The following EYS variants were observed in gnomAD, a reference collection of about 807,000 sequenced individuals.
EYS encodes the protein protein eyes shut homolog.
In EYS, 250 loss-of-function variants were observed where a neutral mutation model predicts 282.1. The observed-to-expected ratio is 0.89, with a 90% CI of 0.80 to 0.98. The LOEUF is 0.98. EYS is among the 50% of genes least tolerant of loss of function. EYS has a pLI of 0.00. For synonymous variants in EYS, 1,355 were observed against 1,282.9 expected, an observed-to-expected ratio of 1.06 and a Z score of -1.20; for missense variants, 4,016 against 3,709.0, an observed-to-expected ratio of 1.08 and a Z score of -2.15.
chr6:65,395,942 T>C (rs1766264061), intron 7 of EYS, among the ~76,000 whole-genome samples: 1 of 152,214 alleles, frequency 6.6e-6, no homozygotes, highest in South Asian at 2.1e-4. Context: ...AGTTAGATGA[T>C]ACAGTGTTTG....
chr6:65,560,516 T>C (rs938500881), intron 2 of EYS, among the ~76,000 whole-genome samples: 2 of 150,226 alleles, frequency 1.3e-5, no homozygotes, highest in African/African-American at 2.4e-5. Flanking sequence ...AATACGTGTG[T>C]GTATGTGGTG....
At chr6:65,200,393 A>C (rs1487665361) in intron 12 of EYS, among the ~76,000 whole-genome samples, 6 of 151,570 alleles carry the variant, frequency 4.0e-5, no homozygotes, top group Admixed American at 3.9e-4. Flanking sequence ...TATTCAAGAA[A>C]GTGGTAATTG....
At chr6:64,735,917 A>T (rs560801091) in intron 22 of EYS, among the ~76,000 whole-genome samples, 1 of 152,120 alleles carries the variant, frequency 6.6e-6, no homozygotes, top group African/African-American at 2.4e-5. Context: ...ATATAATTAG[A>T]TTAATTGAAA....
At chr6:64,328,702 A>G (rs1770522785) in intron 29 of EYS, among the ~76,000 whole-genome samples, 1 of 152,200 alleles carries the variant, frequency 6.6e-6, no homozygotes, top group African/African-American at 2.4e-5. Flanking sequence ...GTAAATTGGG[A>G]TGAGGAGGCC....
intron 14 of EYS, among the ~76,000 whole-genome samples, chr6:64,987,007 A>G (rs1231759774): frequency 6.6e-6 from 1 of 151,462 alleles, no homozygotes; most frequent in Non-Finnish European, 1.5e-5. Flanking sequence ...AGTAATTGAT[A>G]CTGTTTGGGA....
chr6:63,822,470 C>T (rs955554370), intron 36 of EYS: 3 of 152,056 alleles, frequency 2.0e-5, no homozygotes, highest in African/African-American at 4.8e-5. Context: ...AATGGAAAAC[C>T]GAATTACTAA....
chr6:63,816,163 C>A (rs1388818084), intron 36 of EYS, among the ~76,000 whole-genome samples: 1 of 152,052 alleles, frequency 6.6e-6, no homozygotes, highest in Non-Finnish European at 1.5e-5. Context: ...ATAAAAATAT[C>A]ATACATGATT....
intron 34 of EYS, among the ~76,000 whole-genome samples, chr6:63,987,807 TGA>T (rs1398892979): frequency 6.6e-6 from 1 of 151,576 alleles, no homozygotes; most frequent in Non-Finnish European, 1.5e-5. Context: ...GAGGACAGTG[TGA>T]GAGATGCCCA....
chr6:64,098,758 G>A (rs1040011767), intron 31 of EYS, among the ~76,000 whole-genome samples: 6 of 151,794 alleles, frequency 4.0e-5, no homozygotes, highest in East Asian at 3.9e-4. Context: ...GTGCCACCAC[G>A]CCCAGCTAAT....
chr6:65,150,854 T>C (rs1764595384), intron 12 of EYS, among the ~76,000 whole-genome samples: 2 of 152,004 alleles, frequency 1.3e-5, no homozygotes, highest in African/African-American at 4.8e-5. Flanking sequence ...ACCAATTCTA[T>C]CTATTTGCTC....
chr6:65,322,773 G>A (rs1248459893), intron 11 of EYS, among the ~76,000 whole-genome samples: 2 of 144,650 alleles, frequency 1.4e-5, no homozygotes, highest in Non-Finnish European at 3.0e-5. Flanking sequence ...TCCAGCCCAG[G>A]TGAGAGAGCA....
At chr6:64,187,010 A>C (rs1764965375) in intron 31 of EYS, among the ~76,000 whole-genome samples, 2 of 152,120 alleles carry the variant, frequency 1.3e-5, no homozygotes, top group African/African-American at 2.4e-5. Context: ...TGACAAATGC[A>C]TAGTTTTTTT....
chr6:65,328,889 A>T (rs1219380797), intron 11 of EYS, among the ~76,000 whole-genome samples: 3 of 151,390 alleles, frequency 2.0e-5, no homozygotes, highest in Admixed American at 6.6e-5. Flanking sequence ...TGTTGCATTA[A>T]TATGGTCAAC....
At chr6:64,514,311 A>G (rs1034619029) in intron 26 of EYS, among the ~76,000 whole-genome samples, 4 of 151,890 alleles carry the variant, frequency 2.6e-5, no homozygotes, top group Admixed American at 2.6e-4. Flanking sequence ...ATTAGTTATC[A>G]GTGTAGGATA....
chr6:63,976,076 A>C (rs942267205), intron 35 of EYS, among the ~76,000 whole-genome samples: 5 of 152,020 alleles, frequency 3.3e-5, no homozygotes, highest in African/African-American at 7.2e-5. Context: ...AACATATAAA[A>C]GATGTATAAA....
At chr6:64,551,131 CAT>C (rs1226098396) in intron 26 of EYS, among the ~76,000 whole-genome samples, 1 of 145,434 alleles carries the variant, frequency 6.9e-6, no homozygotes, top group African/African-American at 2.5e-5. Flanking sequence ...TATACACACA[CAT>C]ATATACACAT....
chr6:65,343,559 C>T (rs1257049498), intron 10 of EYS, among the ~76,000 whole-genome samples: 1 of 150,932 alleles, frequency 6.6e-6, no homozygotes, highest in Non-Finnish European at 1.5e-5. Context: ...TGCCATAGGC[C>T]TCACAATTTT....
chr6:63,810,450 A>G (rs544342673), intron 36 of EYS, among the ~76,000 whole-genome samples: 155 of 152,180 alleles, frequency 1.0e-3, no homozygotes, highest in Non-Finnish European at 1.6e-3. Flanking sequence ...CCTTTCTTCA[A>G]CTCTGCAGTG....
At chr6:64,785,938 T>C (rs924559843) in intron 22 of EYS, among the ~76,000 whole-genome samples, 1 of 152,190 alleles carries the variant, frequency 6.6e-6, no homozygotes, top group Non-Finnish European at 1.5e-5. Flanking sequence ...TCCTCCTATG[T>C]GCCAGTGTGG....
Sources: allele counts gnomAD v4.1 joint callset (sites outside exome capture counted in the v4.1 genomes callset), GRCh38; gene constraint gnomAD v4.1.1; transcripts MANE v1.5; gene names NCBI Gene and HGNC (gene_info 2026-07-23, HGNC 2026-07-21).